The following STAG1 variants were observed in gnomAD, a reference collection of about 807,000 sequenced individuals.
STAG1 encodes STAG1 cohesin complex component.
In STAG1, 26 loss-of-function variants were observed where a neutral mutation model predicts 170.9. The ratio of observed to expected loss-of-function variants is 0.15; its 90% CI spans 0.11 to 0.21. The LOEUF (loss-of-function observed/expected upper bound fraction) is 0.21, where lower values mean the gene tolerates loss of function less well. Ranked by LOEUF, STAG1 falls within the 10% of genes least tolerant of loss-of-function variation. STAG1 has a pLI of 1.00. For missense variants in STAG1, 964 were observed against 1,509.5 expected, an observed-to-expected ratio of 0.64 and a Z score of 5.99; for synonymous variants, 514 against 497.7, an observed-to-expected ratio of 1.03 and a Z score of -0.44.
chr3:136,529,295 C>A (rs1004110037), intron 6 of STAG1, among the ~76,000 whole-genome samples: 3 of 152,130 alleles, frequency 2.0e-5, no homozygotes, highest in African/African-American at 7.2e-5. Flanking sequence ...CATTTAGATA[C>A]AAGAGGCTAA....
At chr3:136,609,424 T>TACACAC (rs770014869) in intron 3 of STAG1, 1 of 148,686 alleles carries the variant, frequency 6.7e-6, no homozygotes, top group Non-Finnish European at 1.5e-5. Flanking sequence ...CATATATATA[T>TACACAC]ATATACACAC....
chr3:136,418,292 G>GGAGGTTGCA (rs1369320140), intron 20 of STAG1, among the ~76,000 whole-genome samples: 1 of 129,548 alleles, frequency 7.7e-6, no homozygotes, highest in Non-Finnish European at 1.6e-5. Context: ...CCCAGGACAC[G>GGAGGTTGCA]GAGGTTGCAG....
At chr3:136,698,543 G>GCTCTGTCTATA (rs1942963350) in intron 1 of STAG1, among the ~76,000 whole-genome samples, 3 of 152,160 alleles carry the variant, frequency 2.0e-5, no homozygotes, top group Non-Finnish European at 4.4e-5. Context: ...TACACTGCTG[G>GCTCTGTCTATA]TAGGAATGTA....
chr3:136,474,955 T>C (rs1344695665), intron 10 of STAG1, among the ~76,000 whole-genome samples: 2 of 151,984 alleles, frequency 1.3e-5, no homozygotes, highest in Admixed American at 6.6e-5. Flanking sequence ...CCATAGCCAG[T>C]AAAGAAAGAT....
At chr3:136,408,678 C>T (rs1157206794) in intron 21 of STAG1, among the ~76,000 whole-genome samples, 1 of 152,132 alleles carries the variant, frequency 6.6e-6, no homozygotes, top group East Asian at 1.9e-4. Context: ...ATTATATCCT[C>T]AGGACTTGGC....
intron 4 of STAG1, among the ~76,000 whole-genome samples, chr3:136,598,182 G>A (rs1230061250): frequency 6.6e-6 from 1 of 151,990 alleles, no homozygotes; most frequent in Non-Finnish European, 1.5e-5. Context: ...TTTGGGTTTA[G>A]TTGACCTTCT....
In STAG1 at chr3:136,422,865, G is replaced by A. The variant is rs754585864; in HGVS notation, c.1744-8C>T. On this transcript the variant is annotated splice_region_variant and splice_polypyrimidine_tract_variant and intron_variant, in intron 17 of 33. Coordinates refer to ENST00000383202, the MANE Select transcript of STAG1 (RefSeq NM_005862.3). The stretch of plus-strand genomic sequence containing the variant: ...CTCTGCATCTGCAGAATACTAGAAG[G>A]AGAAGCAAAGAAAAAGACAGTAACT... The A allele has an allele frequency of 7.5e-6, 12 of 1,599,998 alleles. No homozygotes were observed. The highest frequency in any genetic ancestry group is 2.2e-5 in the East Asian group (1 of 44,706).
At chr3:136,436,215 C>CA (rs1176667349) in intron 15 of STAG1, among the ~76,000 whole-genome samples, 2 of 152,128 alleles carry the variant, frequency 1.3e-5, no homozygotes, top group African/African-American at 2.4e-5. Context: ...CTCAGCCTCT[C>CA]AAAGTGCTGA....
At chr3:136,732,695 T>C (rs1454492128) in intron 1 of STAG1, among the ~76,000 whole-genome samples, 2 of 152,044 alleles carry the variant, frequency 1.3e-5, no homozygotes, top group African/African-American at 2.4e-5. Flanking sequence ...CTGCAACCTC[T>C]ACCTCCCAGT....
intron 22 of STAG1, among the ~76,000 whole-genome samples, chr3:136,378,940 T>G (rs2108309964): frequency 6.6e-6 from 1 of 152,316 alleles, no homozygotes. Context: ...CTAAAACTCT[T>G]TAAGCCACTC....
chr3:136,394,853 T>G (rs961118544), intron 22 of STAG1, among the ~76,000 whole-genome samples: 18 of 149,090 alleles, frequency 1.2e-4, no homozygotes, highest in Non-Finnish European at 1.8e-4. Flanking sequence ...CTTGGGATGC[T>G]GAGGCAGGAG....
intron 1 of STAG1, among the ~76,000 whole-genome samples, chr3:136,679,725 T>C (rs1942269119): frequency 1.1e-5 from 1 of 89,556 alleles, no homozygotes; most frequent in South Asian, 3.5e-4. Flanking sequence ...CAAGACTCCG[T>C]CTTAAAAAAA....
chr3:136,684,477 C>T (rs954290266), intron 1 of STAG1, among the ~76,000 whole-genome samples: 4 of 152,194 alleles, frequency 2.6e-5, no homozygotes, highest in Non-Finnish European at 4.4e-5. Flanking sequence ...AGGCGGGGTG[C>T]ATTGGCTCGC....
chr3:136,673,157 T>A (rs1942029782), intron 1 of STAG1, among the ~76,000 whole-genome samples: 2 of 152,214 alleles, frequency 1.3e-5, no homozygotes, highest in Non-Finnish European at 2.9e-5. Context: ...GGTAAACCTG[T>A]TTAGTTTTAA....
At chr3:136,359,121 G>A (rs1936763658) in intron 27 of STAG1, 27 bp downstream of exon 27, 2 of 1,565,724 alleles carry the variant, frequency 1.3e-6, no homozygotes, top group South Asian at 1.2e-5. Context: ...ATCAGATTCT[G>A]CATAACAAAG....
intron 12 of STAG1, among the ~76,000 whole-genome samples, chr3:136,469,684 C>G (rs28895997): frequency 6.6e-6 from 1 of 152,174 alleles, no homozygotes; most frequent in Non-Finnish European, 1.5e-5. Flanking sequence ...CAAGACAATC[C>G]TAAGCCAAAA....
intron 12 of STAG1, among the ~76,000 whole-genome samples, chr3:136,470,206 G>A (rs932265680): frequency 1.8e-4 from 27 of 152,068 alleles, no homozygotes; most frequent in African/African-American, 4.8e-4. Context: ...GCAACCTACA[G>A]AATGGGAGAA....
At chr3:136,425,863 G>A (rs986336561) in intron 16 of STAG1, among the ~76,000 whole-genome samples, 3 of 151,280 alleles carry the variant, frequency 2.0e-5, no homozygotes, top group Non-Finnish European at 4.4e-5. Context: ...GTCAAAGTTG[G>A]GATAGCATAT....
intron 26 of STAG1, among the ~76,000 whole-genome samples, 156 bp from the exon 27 acceptor site, chr3:136,359,452 T>C (rs994454566): frequency 1.3e-5 from 2 of 152,192 alleles, no homozygotes; most frequent in South Asian, 4.1e-4. Flanking sequence ...CTACAAATTG[T>C]CTATTATTAA....
Sources: gnomAD v4.1 joint callset for allele counts (sites outside exome capture counted in the v4.1 genomes callset) on GRCh38, gnomAD v4.1.1 for gene constraint, MANE v1.5 for transcripts, NCBI Gene and HGNC (gene_info 2026-07-23, HGNC 2026-07-21) for gene names.